Variants in JAKMIP3 observed in about 807,000 individuals in gnomAD.
The protein encoded by JAKMIP3 is Janus kinase and microtubule interacting protein 3.
JAKMIP3 carries 58 observed loss-of-function variants against 118.5 expected under a neutral mutation model. The observed-to-expected ratio is 0.49, with a 90% CI of 0.40 to 0.61. The LOEUF is 0.61. Among genes scored for constraint, JAKMIP3 ranks in the 20% least tolerant of loss-of-function variants. The pLI is 0.00. For synonymous variants in JAKMIP3, 486 were observed against 451.2 expected (o/e 1.08, Z -0.98); for missense variants, 950 against 1,109.0 (o/e 0.86, Z 2.04).
At chr10:132,086,318 A>G (rs1334375783) in intron 1 of JAKMIP3, among the ~76,000 whole-genome samples, 2 of 152,192 alleles carry the variant, frequency 1.3e-5, no homozygotes, top group Non-Finnish European at 1.5e-5. Context: ...ATGCTGTTAA[A>G]TAGAATATAT....
intron 1 of JAKMIP3, among the ~76,000 whole-genome samples, chr10:132,042,064 A>G (rs1029502242): frequency 2.0e-5 from 3 of 151,656 alleles, no homozygotes; most frequent in Non-Finnish European, 4.4e-5. Context: ...TGGGGGTTTC[A>G]CCACATTGGC....
chr10:132,142,940 C>T (rs549876554), intron 11 of JAKMIP3, among the ~76,000 whole-genome samples: 8 of 152,150 alleles, frequency 5.3e-5, no homozygotes, highest in East Asian at 3.9e-4. Context: ...CCTCTTGGGG[C>T]GAGGGGAGAG....
chr10:132,151,039 C>T (rs1292475831), intron 16 of JAKMIP3, among the ~76,000 whole-genome samples: 1 of 151,990 alleles, frequency 6.6e-6, no homozygotes, highest in East Asian at 1.9e-4. Context: ...CCTTCTCCAT[C>T]TACCATCCTC....
Position 132,168,557 on chromosome 10 carries a change from G to A in JAKMIP3, c.*627G>A, listed in dbSNP as rs375261455. The A allele has an allele frequency of 1.7e-5, 7 of 402,288 alleles. No individual in the cohort carries two copies. Among genetic ancestry groups the A allele is most frequent in the African/African-American group, 8.4e-5 (4 of 47,528 alleles). 24.9% of individuals were successfully genotyped at this position (402,288 alleles called of 1,614,324 possible). On this transcript the variant is annotated 3_prime_UTR_variant, in exon 23 of 24. Coordinates refer to ENST00000684848, the MANE Select transcript of JAKMIP3 (RefSeq NM_001323087.2). ...GCCAACAGACCCCACATCCACCCTC[G>A]TTCATCATCATCTCTGTGGGGACAG...
intron 19 of JAKMIP3, among the ~76,000 whole-genome samples, chr10:132,161,720 C>T (rs1470687618): frequency 1.5e-4 from 5 of 33,062 alleles, no homozygotes; most frequent in Admixed American, 4.6e-4. Context: ...GTATCTCTCC[C>T]TGTGTGATGC....
At chr10:132,048,026 TAAAGGGTCCCC>T (rs1362635711) in intron 1 of JAKMIP3, among the ~76,000 whole-genome samples, 1 of 152,218 alleles carries the variant, frequency 6.6e-6, no homozygotes, top group Non-Finnish European at 1.5e-5. Context: ...TGTTATTTCA[TAAAGGGTCCCC>T]AGTGTGGGTT....
chr10:132,108,779 A>G (rs1204056103), intron 2 of JAKMIP3, among the ~76,000 whole-genome samples: 1 of 151,870 alleles, frequency 6.6e-6, no homozygotes, highest in African/African-American at 2.4e-5. Flanking sequence ...GAGGCGGGAG[A>G]ATCGCTTCAG....
rs76298473 is a variant in JAKMIP3 at position 132,049,040 on chromosome 10, T to G, written c.-138+12302T>G. On this transcript the variant is annotated intron_variant, in intron 1 of 23. Transcript: ENST00000657785. The surrounding 1 kb of genome is among the most constrained non-coding windows in gnomAD (Gnocchi z 4.3). ...CACATTGTTTCTTTACTTCTCTGCATGTCCTGAAAGCCTGCTGCTGGTCCC... is the reference window on the plus strand; with the variant it reads ...CACATTGTTTCTTTACTTCTCTGCAGGTCCTGAAAGCCTGCTGCTGGTCCC... Among the ~76,000 whole-genome samples the G allele has an allele frequency of 0.61, 93,173 of 151,716 alleles. 29,018 individuals carry two copies. The highest frequency in any genetic ancestry group is 0.81 in the East Asian group (4,165 of 5,164).
chr10:132,130,204 C>T lies in JAKMIP3; in HGVS notation c.634-3108C>T, dbSNP rs757766821. 3.4e-4 allele frequency among the ~76,000 whole-genome samples: 52 copies of T among 152,290 alleles called. No individual in the cohort carries two copies. In the Middle Eastern group the frequency reaches 0.024, roughly 70 times the overall value. ...CCCCACCCAGGTCTCTGCTTTCTCA[C>T]AGGGAATAATAGGACCAGGCTCTGT... On this transcript the variant is annotated intron_variant, in intron 3 of 23. Coordinates refer to ENST00000684848, the MANE Select transcript of JAKMIP3 (RefSeq NM_001323087.2).
At chr10:132,143,063 C>T (rs2053871458) in intron 11 of JAKMIP3, among the ~76,000 whole-genome samples, 1 of 151,926 alleles carries the variant, frequency 6.6e-6, no homozygotes, top group South Asian at 2.1e-4. Context: ...CTCCTGCCTT[C>T]CTGGCACCTC....
chr10:132,173,958 G>C (rs1018658688), intron 23 of JAKMIP3, among the ~76,000 whole-genome samples: 2 of 139,212 alleles, frequency 1.4e-5, no homozygotes, highest in Admixed American at 1.4e-4. Context: ...TGTGTCTGTG[G>C]TGGTCTGTGG....
chr10:132,111,778 A>G, intron 2 of JAKMIP3, among the ~76,000 whole-genome samples: 1 of 152,228 alleles, frequency 6.6e-6, no homozygotes, highest in South Asian at 2.1e-4. Context: ...TATATTATAA[A>G]TATGTTTATA....
At chr10:132,147,138 G>T (rs2054774778) in intron 13 of JAKMIP3, among the ~76,000 whole-genome samples, 1 of 152,168 alleles carries the variant, frequency 6.6e-6, no homozygotes, top group South Asian at 2.1e-4. Context: ...GTGTTCCACG[G>T]CAGGCCCACT....
intron 19 of JAKMIP3, among the ~76,000 whole-genome samples, chr10:132,158,252 C>T (rs972902022): frequency 6.6e-6 from 1 of 152,178 alleles, no homozygotes; most frequent in African/African-American, 2.4e-5. Flanking sequence ...GGAGAAGTGG[C>T]CTATGGGCCC....
chr10:132,059,768 C>T (rs2038342242), upstream of JAKMIP3, among the ~76,000 whole-genome samples: 1 of 152,242 alleles, frequency 6.6e-6, no homozygotes, highest in South Asian at 2.1e-4. Flanking sequence ...ATCCCAGCTC[C>T]ACCCTACCTG....
At chr10:132,097,980 C>CTTTCCT in intron 1 of JAKMIP3, among the ~76,000 whole-genome samples, 1 of 68,124 alleles carries the variant, frequency 1.5e-5, no homozygotes, top group African/African-American at 4.8e-5. Context: ...CTTTTCTCCC[C>CTTTCCT]TTCCCCTTCC....
chr10:132,092,306 G>T (rs2043201970), intron 1 of JAKMIP3, among the ~76,000 whole-genome samples: 1 of 152,136 alleles, frequency 6.6e-6, no homozygotes, highest in African/African-American at 2.4e-5. Flanking sequence ...GAATTTGAAT[G>T]TTGGCCTGCC....
Position 132,180,668 on chromosome 10 carries a change from T to TGC in JAKMIP3, c.*1104-1688_*1104-1687insCG, listed in dbSNP as rs1160710412. Among the ~76,000 whole-genome samples, 8 of 28,048 alleles carry TGC rather than the reference T, an allele frequency of 2.9e-4. 1 individual carries two copies. The highest frequency in any genetic ancestry group is 4.8e-4 in the Admixed American group (1 of 2,098). The allele number at this position is 28,048 out of a possible 152,430, so 18.4% of individuals were successfully genotyped here. A position where few individuals can be genotyped will look rare whatever the true frequency, so the allele number is the denominator to read the frequency against. On this transcript the variant is annotated intron_variant, in intron 23 of 23. Transcript: ENST00000684848. ...GTGCGTGTGCGTGTGCGTGTGTGCG[T>TGC]GTGTGTGCGCGCGCGTGTGTGTGCG...
intron 2 of JAKMIP3, among the ~76,000 whole-genome samples, chr10:132,105,457 G>C (rs13377088): frequency 0.25 from 37,359 of 151,938 alleles, 5,589 homozygotes; most frequent in African/African-American, 0.43. Flanking sequence ...GCCCACGATG[G>C]CCTCTGGCTG....
Sources: gnomAD v4.1 joint callset for allele counts (sites outside exome capture counted in the v4.1 genomes callset) on GRCh38, gnomAD v4.1.1 for gene constraint, Gnocchi (gnomAD v3.1) non-coding constraint, MANE v1.5 for transcripts, NCBI Gene and HGNC (gene_info 2026-07-23, HGNC 2026-07-21) for gene names.